The following CCDC60 variants were observed in gnomAD, a reference collection of about 807,000 sequenced individuals.
CCDC60 encodes coiled-coil domain-containing protein 60.
A neutral mutation model predicts 63.5 loss-of-function variants in CCDC60; 54 were observed. The observed-to-expected ratio is 0.85, with a 90% CI of 0.68 to 1.07. The LOEUF (loss-of-function observed/expected upper bound fraction) is 1.07. Among genes scored for constraint, CCDC60 ranks in the 50% least tolerant of loss-of-function variants. The probability of loss-of-function intolerance (pLI) is 0.00; values close to 1 mark genes in which losing one functional copy is unlikely to be tolerated. For synonymous variants in CCDC60, 206 were observed against 238.8 expected, an observed-to-expected ratio of 0.86 and a Z score of 1.27; for missense variants, 651 against 684.3, an observed-to-expected ratio of 0.95 and a Z score of 0.54.
At chr12:119,509,887 C>G (rs2136450892) in intron 7 of CCDC60, among the ~76,000 whole-genome samples, 1 of 152,282 alleles carries the variant, frequency 6.6e-6, no homozygotes, top group Non-Finnish European at 1.5e-5. Flanking sequence ...GCCCTCAAGT[C>G]AGACTTGATT....
chr12:119,469,885 T>C (rs1158599305), intron 2 of CCDC60, among the ~76,000 whole-genome samples: 2 of 152,232 alleles, frequency 1.3e-5, no homozygotes. Flanking sequence ...ACAGAATGTT[T>C]TGTGTTGTGG....
chr12:119,350,204 TA>T lies in CCDC60; in HGVS notation c.90+14939del, dbSNP rs1313979425. On this transcript the variant is annotated intron_variant, in intron 1 of 13. Coordinates refer to ENST00000327554, the MANE Select transcript of CCDC60 (RefSeq NM_178499.5). ...TTATTTATTTATTTATTTATTTATT[TA>T]TTTATTTTTTGAGACAGAGTCTCGC... Among the ~76,000 whole-genome samples, 390 of 131,298 alleles carry T rather than the reference TA, an allele frequency of 3.0e-3. 1 individual carries two copies. The highest frequency in any genetic ancestry group is 4.4e-3 in the Non-Finnish European group (280 of 63,236). The allele number at this position is 131,298 out of a possible 152,430, so 86.1% of individuals were successfully genotyped here.
In CCDC60 at chr12:119,487,011, G is replaced by A. The variant is rs146527204; in HGVS notation, c.450-1748G>A. ...TTAAGAGGAGAAATCTTGCGGGGAGGGGGGTGGCTGGCCAGGACTCCACCT... is the reference window on the plus strand; with the variant it reads ...TTAAGAGGAGAAATCTTGCGGGGAGAGGGGTGGCTGGCCAGGACTCCACCT... On this transcript the variant is annotated intron_variant, in intron 4 of 13. Coordinates refer to ENST00000327554, the MANE Select transcript of CCDC60 (RefSeq NM_178499.5). 7.2e-5 allele frequency among the ~76,000 whole-genome samples: 11 copies of A among 152,194 alleles called. No individual in the cohort carries two copies. The South Asian group carries it at 1.2e-3, about 17-fold the overall frequency.
intron 1 of CCDC60, among the ~76,000 whole-genome samples, chr12:119,401,716 A>T (rs1956395300): frequency 6.6e-6 from 1 of 152,264 alleles, no homozygotes; most frequent in Non-Finnish European, 1.5e-5. Context: ...TCAATAATGG[A>T]TATCATACAA....
chr12:119,352,125 GA>G (rs1338991646), intron 1 of CCDC60, among the ~76,000 whole-genome samples: 4 of 152,148 alleles, frequency 2.6e-5, no homozygotes, highest in Non-Finnish European at 5.9e-5. Context: ...GCCAGTAGGA[GA>G]GAGAGAAAGT....
intron 2 of CCDC60, among the ~76,000 whole-genome samples, chr12:119,463,331 G>A (rs959130105): frequency 4.6e-5 from 7 of 152,298 alleles, no homozygotes; most frequent in East Asian, 1.9e-4. Flanking sequence ...TGGGACTTCC[G>A]AAAGGACAGA....
intron 1 of CCDC60, among the ~76,000 whole-genome samples, chr12:119,397,184 G>C (rs866494729): frequency 5.9e-5 from 9 of 152,168 alleles, no homozygotes; most frequent in African/African-American, 2.2e-4. Context: ...AGCTCATAAA[G>C]GTGTTGCAAA....
At chr12:119,449,195 T>G (rs938912784) in intron 2 of CCDC60, among the ~76,000 whole-genome samples, 3 of 152,226 alleles carry the variant, frequency 2.0e-5, no homozygotes, top group Admixed American at 6.5e-5. Context: ...GCACAACATG[T>G]GCACACTTGT....
intron 6 of CCDC60, among the ~76,000 whole-genome samples, chr12:119,504,103 C>T (rs1001674857): frequency 2.6e-5 from 4 of 152,078 alleles, no homozygotes; most frequent in South Asian, 4.2e-4. Context: ...GGATAAAGGG[C>T]ATTTTCGATG....
At chr12:119,439,181 G>A (rs1473293492) in intron 2 of CCDC60, among the ~76,000 whole-genome samples, 1 of 140,130 alleles carries the variant, frequency 7.1e-6, no homozygotes, top group Non-Finnish European at 1.5e-5. Context: ...AAAAGAGTTA[G>A]CTCAGTCCCT....
intron 1 of CCDC60, among the ~76,000 whole-genome samples, chr12:119,343,333 C>A (rs1314243435): frequency 6.6e-6 from 1 of 152,006 alleles, no homozygotes; most frequent in African/African-American, 2.4e-5. Flanking sequence ...CTTGGAAATG[C>A]CTCGGGGTTT....
chr12:119,474,732 C>G (rs936255210), intron 3 of CCDC60, among the ~76,000 whole-genome samples: 1 of 152,098 alleles, frequency 6.6e-6, no homozygotes, highest in Admixed American at 6.5e-5. Flanking sequence ...TCAGGCCAGG[C>G]GTGGTGGCTC....
chr12:119,506,376 G>A (rs2136433534), intron 7 of CCDC60, among the ~76,000 whole-genome samples: 1 of 150,848 alleles, frequency 6.6e-6, no homozygotes, highest in Admixed American at 6.6e-5. Flanking sequence ...ATGGAGGTGG[G>A]CAGATCGCTT....
At chr12:119,363,009 A>T (rs904578611) in intron 1 of CCDC60, among the ~76,000 whole-genome samples, 1 of 152,200 alleles carries the variant, frequency 6.6e-6, no homozygotes, top group African/African-American at 2.4e-5. Context: ...GGGGCAGGAG[A>T]ATCGCTTGAA....
rs78674951 is a variant in CCDC60, at chr12:119,453,920, T to C, written c.171-18074T>C. On this transcript the variant is annotated intron_variant, in intron 2 of 13. Transcript: ENST00000327554. ...ATTGTGATGATGATGATGATGATGA[T>C]GATGAAAAATAAGAAGAAAAAAATG... 4.8e-3 allele frequency among the ~76,000 whole-genome samples: 731 copies of C among 152,130 alleles called. 5 individuals carry two copies. The highest frequency in any genetic ancestry group is 0.016 in the African/African-American group (644 of 41,504).
intron 2 of CCDC60, chr12:119,448,029 G>A (rs1252305060): frequency 6.6e-6 from 1 of 152,128 alleles, no homozygotes; most frequent in East Asian, 1.9e-4. Flanking sequence ...GGAGTGGAAT[G>A]GGGACATGTT....
Position 119,507,563 on chromosome 12 carries a change from TATATATGTATATATACAC to T in CCDC60, c.883+2267_883+2284del, listed in dbSNP as rs1159679784. Among the ~76,000 whole-genome samples the T allele has an allele frequency of 9.5e-3, 637 of 66,916 alleles. 39 individuals are homozygous for T. The highest frequency in any genetic ancestry group is 0.052 in the African/African-American group (610 of 11,758). The allele number at this position is 66,916 out of a possible 152,430, so 43.9% of individuals were successfully genotyped here. On this transcript the variant is annotated intron_variant, in intron 7 of 13. Coordinates refer to ENST00000327554, the MANE Select transcript of CCDC60 (RefSeq NM_178499.5). The stretch of plus-strand genomic sequence containing the variant: ...ACACATATATATACATATATATATA[TATATATGTATATATACAC>T]ATATATATACATATATATATATATA...
chr12:119,466,585 G>A (rs1950957169), intron 2 of CCDC60, among the ~76,000 whole-genome samples: 1 of 152,102 alleles, frequency 6.6e-6, no homozygotes, highest in Admixed American at 6.6e-5. Flanking sequence ...CTATATCTGG[G>A]CAAGTTGATA....
chr12:119,389,801 C>T (rs147436853), intron 1 of CCDC60, among the ~76,000 whole-genome samples: 9 of 152,160 alleles, frequency 5.9e-5, no homozygotes, highest in Admixed American at 3.9e-4. Context: ...CACACACACA[C>T]ATACACAGAG....
Sources: gnomAD v4.1 joint callset for allele counts (sites outside exome capture counted in the v4.1 genomes callset) on GRCh38, gnomAD v4.1.1 for gene constraint, MANE v1.5 for transcripts, NCBI Gene and HGNC (gene_info 2026-07-23, HGNC 2026-07-21) for gene names.